HPSE2: variants seen among roughly 807,000 people sequenced by gnomAD.
HPSE2 encodes the protein inactive heparanase-2.
A neutral mutation model predicts 60.5 loss-of-function variants in HPSE2; 38 were observed. That is an observed-to-expected ratio of 0.63 (90% CI 0.48 to 0.82). HPSE2 has a LOEUF of 0.82. HPSE2 is among the 40% of genes least tolerant of loss of function. The pLI is 0.00. For missense variants in HPSE2, 713 were observed against 740.4 expected (o/e 0.96, Z 0.43); for synonymous variants, 295 against 293.2 (o/e 1.01, Z -0.06).
intron 10 of HPSE2, among the ~76,000 whole-genome samples, chr10:98,488,045 C>T (rs1411935666): frequency 6.6e-6 from 1 of 152,210 alleles, no homozygotes; most frequent in Non-Finnish European, 1.5e-5. Flanking sequence ...AAAGTCTTTT[C>T]TTTCTGTCTT....
At chr10:99,112,686 G>A (rs979397662) in intron 3 of HPSE2, among the ~76,000 whole-genome samples, 1 of 152,062 alleles carries the variant, frequency 6.6e-6, no homozygotes, top group Non-Finnish European at 1.5e-5. Flanking sequence ...CCCTCACCCA[G>A]ATTATATGTG....
chr10:98,566,164 C>A (rs369857748), intron 9 of HPSE2, among the ~76,000 whole-genome samples: 23 of 152,242 alleles, frequency 1.5e-4, no homozygotes, highest in African/African-American at 4.6e-4. Flanking sequence ...CCCTGTGAGG[C>A]GGTTAGTGAA....
chr10:99,127,886 C>T (rs965592682), intron 3 of HPSE2, among the ~76,000 whole-genome samples: 1 of 151,606 alleles, frequency 6.6e-6, no homozygotes, highest in Non-Finnish European at 1.5e-5. Context: ...TTGTATCCAA[C>T]AAAACTAAGC....
At chr10:99,217,647 G>A (rs1281074488) in intron 2 of HPSE2, among the ~76,000 whole-genome samples, 1 of 152,074 alleles carries the variant, frequency 6.6e-6, no homozygotes, top group East Asian at 1.9e-4. Context: ...AGGCTGGAGT[G>A]CAGTGGGATG....
chr10:99,178,340 T>C (rs1307474039), intron 2 of HPSE2, among the ~76,000 whole-genome samples: 1 of 151,808 alleles, frequency 6.6e-6, no homozygotes, highest in Non-Finnish European at 1.5e-5. Context: ...AGCTGGTTTT[T>C]TGAAAAGATT....
intron 3 of HPSE2, among the ~76,000 whole-genome samples, chr10:98,978,363 G>A (rs1166560221): frequency 6.6e-6 from 1 of 152,066 alleles, no homozygotes; most frequent in African/African-American, 2.4e-5. Context: ...CACAGACTCT[G>A]CTACCATTAA....
intron 3 of HPSE2, among the ~76,000 whole-genome samples, chr10:98,794,723 C>T (rs1012289541): frequency 1.3e-5 from 2 of 152,028 alleles, no homozygotes; most frequent in Admixed American, 1.3e-4. Context: ...TTATCCTTTT[C>T]AATATAGCAT....
Position 99,152,170 on chromosome 10 carries a change from G to A in HPSE2, c.449-7771C>T, listed in dbSNP as rs140235279. ...ACTAAAAATACAAAAAATTAGCCAG[G>A]CATGGTGGCAGGCGCCTGTAGTCCC... On this transcript the variant is annotated intron_variant, in intron 2 of 11. Transcript: ENST00000370552. 1.6e-3 allele frequency among the ~76,000 whole-genome samples: 249 copies of A among 152,116 alleles called. 1 individual carries two copies. Among genetic ancestry groups the A allele is most frequent in the African/African-American group, 5.6e-3 (233 of 41,500 alleles).
chr10:99,206,601 G>A (rs1264990483), intron 2 of HPSE2, among the ~76,000 whole-genome samples: 4 of 151,444 alleles, frequency 2.6e-5, no homozygotes, highest in Admixed American at 1.3e-4. Context: ...GTGAATGCAT[G>A]GCAAATTGGC....
chr10:98,728,956 C>T (rs1949159291), intron 4 of HPSE2, among the ~76,000 whole-genome samples: 2 of 152,128 alleles, frequency 1.3e-5, no homozygotes, highest in South Asian at 4.1e-4. Context: ...CTACAGTTGG[C>T]TGTAGTTGTA....
intron 9 of HPSE2, among the ~76,000 whole-genome samples, chr10:98,545,870 T>C (rs1277241328): frequency 6.6e-6 from 1 of 150,956 alleles, no homozygotes; most frequent in Admixed American, 6.6e-5. Flanking sequence ...ACTGTCCCTG[T>C]TTACAGATGA....
At chr10:99,034,255 A>C (rs1366683851) in intron 3 of HPSE2, among the ~76,000 whole-genome samples, 2 of 152,234 alleles carry the variant, frequency 1.3e-5, no homozygotes, top group African/African-American at 4.8e-5. Context: ...GTATATATAC[A>C]AACCTATGTA....
At chr10:98,993,809 A>T (rs1239599331) in intron 3 of HPSE2, among the ~76,000 whole-genome samples, 1 of 151,794 alleles carries the variant, frequency 6.6e-6, no homozygotes, top group Non-Finnish European at 1.5e-5. Flanking sequence ...CTTCCTCCTC[A>T]CTCTATATTA....
chr10:98,507,641 C>T (rs901190293), intron 9 of HPSE2, among the ~76,000 whole-genome samples: 4 of 152,112 alleles, frequency 2.6e-5, no homozygotes, highest in African/African-American at 9.7e-5. Context: ...TCTATTCTAG[C>T]TATTTTTTTC....
intron 3 of HPSE2, among the ~76,000 whole-genome samples, chr10:99,000,465 T>G (rs1285238469): frequency 6.6e-6 from 1 of 151,806 alleles, no homozygotes; most frequent in Non-Finnish European, 1.5e-5. Context: ...CAAGAAAAAT[T>G]GCATAGAGTG....
Position 98,941,391 on chromosome 10 carries a change from G to C in HPSE2, c.611-197335C>G, listed in dbSNP as rs1208715094. ...ATAAGCAACTTCAGCAAAGTCTCAG[G>C]ATACAAAATCAATGTACAAAAATCA... On this transcript the variant is annotated intron_variant, in intron 3 of 11. Coordinates refer to ENST00000370552, the MANE Select transcript of HPSE2 (RefSeq NM_021828.5). 7.0e-5 allele frequency among the ~76,000 whole-genome samples: 9 copies of C among 128,108 alleles called. 1 individual carries two copies. The highest frequency in any genetic ancestry group is 3.0e-4 in the African/African-American group (9 of 29,856). 84.0% of individuals were successfully genotyped at this position (128,108 alleles called of 152,430 possible). A position where few individuals can be genotyped will look rare whatever the true frequency, so the allele number is the denominator to read the frequency against.
intron 3 of HPSE2, among the ~76,000 whole-genome samples, chr10:98,799,354 C>T (rs1950853636): frequency 6.6e-6 from 1 of 152,014 alleles, no homozygotes; most frequent in African/African-American, 2.4e-5. Context: ...ACTTCAACAC[C>T]CCACTTTCAG....
chr10:99,038,764 T>C (rs577861969), intron 3 of HPSE2, among the ~76,000 whole-genome samples: 2 of 152,298 alleles, frequency 1.3e-5, no homozygotes, highest in South Asian at 2.1e-4. Flanking sequence ...GACCGCTCTC[T>C]ATTATCTTTG....
intron 2 of HPSE2, among the ~76,000 whole-genome samples, chr10:99,171,180 C>G (rs1396232863): frequency 6.6e-6 from 1 of 152,116 alleles, no homozygotes; most frequent in South Asian, 2.1e-4. Flanking sequence ...AAGAGGACTG[C>G]GTTTAGATAA....
Sources: allele counts gnomAD v4.1 joint callset (sites outside exome capture counted in the v4.1 genomes callset), GRCh38; gene constraint gnomAD v4.1.1; transcripts MANE v1.5; gene names NCBI Gene and HGNC (gene_info 2026-07-23, HGNC 2026-07-21).